NPAS3: variants seen among roughly 807,000 people sequenced by gnomAD.
NPAS3 encodes neuronal PAS domain protein 3, also known as neuronal PAS domain-containing protein 3.
A neutral mutation model predicts 73.1 loss-of-function variants in NPAS3; 14 were observed. That is an observed-to-expected ratio of 0.19 (90% CI 0.13 to 0.30). The LOEUF (loss-of-function observed/expected upper bound fraction) is 0.30. NPAS3 is among the 10% of genes least tolerant of loss of function. The pLI is 1.00. For missense variants in NPAS3, 1,096 were observed against 1,250.0 expected (o/e 0.88, Z 1.86); for synonymous variants, 620 against 541.5 (o/e 1.14, Z -2.01).
intron 4 of NPAS3, among the ~76,000 whole-genome samples, chr14:33,470,408 C>G (rs2050729240): frequency 6.6e-6 from 1 of 152,136 alleles, no homozygotes. Context: ...AAAGAAGTGT[C>G]TTGCATGAAC....
intron 11 of NPAS3, 150 bp downstream of exon 11, chr14:33,797,731 C>A: frequency 1.3e-6 from 1 of 746,176 alleles, no homozygotes; most frequent in Non-Finnish European, 2.2e-6. Flanking sequence ...TGAGTGTCTG[C>A]CTCTCTCCAG....
intron 5 of NPAS3, chr14:33,586,039 G>C (rs1027222296): frequency 6.6e-6 from 1 of 151,892 alleles, no homozygotes; most frequent in African/African-American, 2.4e-5. Flanking sequence ...TCGGGTGAGT[G>C]GTTATGAGGC....
intron 11 of NPAS3, 136 bp from the exon 12 acceptor site, chr14:33,799,598 C>T: frequency 2.4e-6 from 2 of 831,594 alleles, no homozygotes; most frequent in Non-Finnish European, 3.7e-6. Flanking sequence ...ATGGAGAAGC[C>T]CGTGATGAGG....
At chr14:33,589,248 A>G (rs910636083) in intron 5 of NPAS3, among the ~76,000 whole-genome samples, 1 of 152,216 alleles carries the variant, frequency 6.6e-6, no homozygotes, top group African/African-American at 2.4e-5. Flanking sequence ...AAATAGAGTC[A>G]CTTAGACAAG....
intron 4 of NPAS3, among the ~76,000 whole-genome samples, chr14:33,440,899 A>G: frequency 6.6e-6 from 1 of 152,170 alleles, no homozygotes; most frequent in East Asian, 1.9e-4. Flanking sequence ...ATCTCAAAAA[A>G]AAAAAAAGAC....
At chr14:33,074,765 C>A (rs555069341) in intron 2 of NPAS3, among the ~76,000 whole-genome samples, 2 of 152,130 alleles carry the variant, frequency 1.3e-5, no homozygotes, top group African/African-American at 4.8e-5. Flanking sequence ...GGAATAGCTA[C>A]GTAAATGTGT....
chr14:33,196,363 T>A (rs944330776), intron 2 of NPAS3, among the ~76,000 whole-genome samples: 1 of 152,222 alleles, frequency 6.6e-6, no homozygotes, highest in African/African-American at 2.4e-5. Flanking sequence ...TCTCGGATAG[T>A]TCAGTTAGCT....
intron 4 of NPAS3, among the ~76,000 whole-genome samples, chr14:33,510,678 A>G (rs545704819): frequency 2.6e-5 from 4 of 152,188 alleles, no homozygotes; most frequent in Non-Finnish European, 5.9e-5. Flanking sequence ...TAAGCTTTTC[A>G]GGTGTAGTGC....
intron 2 of NPAS3, among the ~76,000 whole-genome samples, chr14:33,110,062 A>G (rs1180075961): frequency 6.6e-6 from 1 of 151,988 alleles, no homozygotes; most frequent in Non-Finnish European, 1.5e-5. Flanking sequence ...TCTCTGTAAT[A>G]GTATTTTGCT....
In NPAS3 at chr14:33,786,805, T is replaced by C. The variant is rs572297775; in HGVS notation, c.1154-7092T>C. On this transcript the variant is annotated intron_variant, in intron 9 of 11. Transcript: ENST00000356141. ...AGTTTCATTGCCCAGTGTCTCATCA[T>C]ATTCCAAACCTAAAACAATCCCTGA... Among the ~76,000 whole-genome samples, 8 of 152,342 alleles carry C rather than the reference T, an allele frequency of 5.3e-5. No individual in the cohort carries two copies. In the South Asian group the frequency reaches 1.7e-3, roughly 32 times the overall value.
At chr14:33,002,865 A>C (rs572949721) in intron 1 of NPAS3, among the ~76,000 whole-genome samples, 1 of 152,286 alleles carries the variant, frequency 6.6e-6, no homozygotes, top group East Asian at 1.9e-4. Flanking sequence ...TTGCAGAGTT[A>C]GGAGACCAGT....
At chr14:33,440,920 G>T (rs2049219545) in intron 4 of NPAS3, among the ~76,000 whole-genome samples, 1 of 151,664 alleles carries the variant, frequency 6.6e-6, no homozygotes. Context: ...TGTATGAAGA[G>T]CACAAACAGC....
At chr14:33,480,982 G>A (rs1024615541) in intron 4 of NPAS3, among the ~76,000 whole-genome samples, 6 of 152,058 alleles carry the variant, frequency 3.9e-5, no homozygotes, top group African/African-American at 1.2e-4. Context: ...GCTGAATTTG[G>A]CCATCTAGAG....
At chr14:33,209,635 GATTA>G (rs1051002672) in intron 2 of NPAS3, among the ~76,000 whole-genome samples, 14 of 152,298 alleles carry the variant, frequency 9.2e-5, no homozygotes, top group African/African-American at 3.4e-4. Flanking sequence ...CTGCATGCCA[GATTA>G]ATTGATAAAT....
intron 2 of NPAS3, among the ~76,000 whole-genome samples, chr14:33,072,998 C>G (rs1014288955): frequency 6.6e-6 from 1 of 152,072 alleles, no homozygotes; most frequent in Admixed American, 6.5e-5. Context: ...TGTTTGTACC[C>G]TAACAGAAAA....
At chr14:33,523,192 A>G (rs897094488) in intron 4 of NPAS3, among the ~76,000 whole-genome samples, 1 of 152,158 alleles carries the variant, frequency 6.6e-6, no homozygotes, top group Non-Finnish European at 1.5e-5. Context: ...TACTTCAGTG[A>G]TTCAGAGGAG....
intron 4 of NPAS3, among the ~76,000 whole-genome samples, chr14:33,534,284 G>A (rs2140198881): frequency 6.6e-6 from 1 of 151,366 alleles, no homozygotes; most frequent in African/African-American, 2.4e-5. Flanking sequence ...CATGCTGAAA[G>A]TGTCAGACAA....
At chr14:33,249,020 C>T (rs2048484602) in intron 3 of NPAS3, among the ~76,000 whole-genome samples, 1 of 152,112 alleles carries the variant, frequency 6.6e-6, no homozygotes, top group African/African-American at 2.4e-5. Flanking sequence ...TAAACATATA[C>T]CATGGAAGTA....
At chr14:33,748,183 C>T (rs1404501677) in intron 7 of NPAS3, among the ~76,000 whole-genome samples, 1 of 152,132 alleles carries the variant, frequency 6.6e-6, no homozygotes, top group African/African-American at 2.4e-5. Flanking sequence ...GGTCAGTGTT[C>T]TACATCTTCC....
Sources: gnomAD v4.1 joint callset for allele counts (sites outside exome capture counted in the v4.1 genomes callset) on GRCh38, gnomAD v4.1.1 for gene constraint, MANE v1.5 for transcripts, NCBI Gene and HGNC (gene_info 2026-07-23, HGNC 2026-07-21) for gene names.